IHO1: variants seen among roughly 807,000 people sequenced by gnomAD.
IHO1 encodes interactor of HORMAD1 1, also known as interactor of HORMAD1 protein 1.
In IHO1, 13 loss-of-function variants were observed where a neutral mutation model predicts 31.0. The observed-to-expected ratio is 0.42, with a 90% confidence interval of 0.27 to 0.67. The LOEUF (loss-of-function observed/expected upper bound fraction) is 0.67. IHO1 is among the 30% of genes least tolerant of loss of function. The probability of loss-of-function intolerance (pLI) is 0.24; values close to 1 mark genes in which losing one functional copy is unlikely to be tolerated. For synonymous variants in IHO1, 221 were observed against 248.4 expected, an observed-to-expected ratio of 0.89 and a Z score of 1.04; for missense variants, 599 against 687.5, an observed-to-expected ratio of 0.87 and a Z score of 1.44.
chr3:49,195,558 A>C (rs2107671552), upstream of IHO1, among the ~76,000 whole-genome samples: 1 of 151,346 alleles, frequency 6.6e-6, no homozygotes, highest in Admixed American at 6.6e-5. Context: ...TCTACTTGAC[A>C]AAAAAATTAG....
intron 1 of IHO1, chr3:49,200,671 A>C (rs1224325765): frequency 1.6e-6 from 1 of 637,510 alleles, no homozygotes; most frequent in Non-Finnish European, 1.9e-6. Context: ...CCTTGCATGC[A>C]CTCAACTTTT....
chr3:49,202,237 T>G (rs2046078577), intron 1 of IHO1, among the ~76,000 whole-genome samples: 3 of 151,956 alleles, frequency 2.0e-5, no homozygotes, highest in Admixed American at 2.0e-4. Context: ...ATTAGAATAG[T>G]GTAATAGTGT....
intron 4 of IHO1, among the ~76,000 whole-genome samples, chr3:49,243,586 G>A (rs573611521): frequency 2.0e-5 from 3 of 151,412 alleles, no homozygotes; most frequent in Admixed American, 6.6e-5. Flanking sequence ...ATGAAACCCC[G>A]TCTCTACTAA....
chr3:49,197,424 G>A (rs1375869869), upstream of IHO1, among the ~76,000 whole-genome samples: 2 of 152,098 alleles, frequency 1.3e-5, no homozygotes, highest in African/African-American at 4.8e-5. Flanking sequence ...GCCTCCCAAA[G>A]TTCTGGGATT....
intron 2 of IHO1, among the ~76,000 whole-genome samples, chr3:49,225,851 C>T (rs2046411143): frequency 6.6e-6 from 1 of 152,132 alleles, no homozygotes; most frequent in East Asian, 1.9e-4. Flanking sequence ...AAGTCAATTT[C>T]CTGGCCCTCG....
chr3:49,239,811 C>T (rs780752188), intron 3 of IHO1, among the ~76,000 whole-genome samples: 11 of 150,544 alleles, frequency 7.3e-5, no homozygotes, highest in Admixed American at 1.3e-4. Flanking sequence ...TACAGGCATG[C>T]GCACCACGCC....
At chr3:49,198,314 G>A (rs974035973), upstream of IHO1, 1 of 152,220 alleles carries the variant, frequency 6.6e-6, no homozygotes, top group African/African-American at 2.4e-5. Context: ...CGCAGCATTT[G>A]TCATAGCTGA....
chr3:49,244,135 A>G (rs566450082), intron 4 of IHO1, among the ~76,000 whole-genome samples: 47 of 151,968 alleles, frequency 3.1e-4, no homozygotes, highest in African/African-American at 1.1e-3. Flanking sequence ...TTGTATTTTT[A>G]GTAGAGACGG....
chr3:49,202,851 ATTTTTT>A (rs71077774), intron 1 of IHO1, among the ~76,000 whole-genome samples: 13 of 90,150 alleles, frequency 1.4e-4, no homozygotes, highest in African/African-American at 2.7e-4. Context: ...AATTTTTTGT[ATTTTTT>A]TTTTTTTTTT....
intron 6 of IHO1, among the ~76,000 whole-genome samples, chr3:49,246,179 CAAAAAAAAAAA>C (rs71278650): frequency 2.1e-5 from 1 of 47,776 alleles, no homozygotes; most frequent in African/African-American, 7.2e-5. Flanking sequence ...GAGACTCCGT[CAAAAAAAAAAA>C]AAAAAAAAAA....
At chr3:49,204,573 C>T (rs932840664) in intron 1 of IHO1, among the ~76,000 whole-genome samples, 3 of 152,034 alleles carry the variant, frequency 2.0e-5, no homozygotes, top group African/African-American at 7.2e-5. Flanking sequence ...TTTCTGAGAG[C>T]TTATGGAGGA....
intron 1 of IHO1, among the ~76,000 whole-genome samples, chr3:49,200,887 G>T (rs892831137): frequency 4.6e-5 from 7 of 152,148 alleles, no homozygotes; most frequent in Admixed American, 3.9e-4. Flanking sequence ...AGCCTATACA[G>T]GTAGCATGGA....
intron 3 of IHO1, among the ~76,000 whole-genome samples, chr3:49,239,003 T>C (rs973505637): frequency 2.6e-5 from 4 of 152,134 alleles, no homozygotes; most frequent in Non-Finnish European, 4.4e-5. Flanking sequence ...AGAGAAAACT[T>C]GTTTTTCTCT....
At chr3:49,206,549 A>G (rs2046140491) in intron 1 of IHO1, among the ~76,000 whole-genome samples, 1 of 152,166 alleles carries the variant, frequency 6.6e-6, no homozygotes, top group Non-Finnish European at 1.5e-5. Flanking sequence ...TTTAATTGCC[A>G]TCTTGGATTT....
intron 2 of IHO1, among the ~76,000 whole-genome samples, chr3:49,235,485 C>T (rs950316033): frequency 1.3e-5 from 2 of 151,478 alleles, no homozygotes; most frequent in South Asian, 2.1e-4. Context: ...TCCTCGGCCT[C>T]CCAAAGTGCT....
chr3:49,236,651 A>T lies in IHO1; in HGVS notation c.160A>T (p.Thr54Ser). ...GSQFCPENSE[T>S]LSAPLDFGAH... is the part of the protein sequence containing the mutation. ...TCAGTTCTGTCCAGAAAATTCAGAA[A>T]CCCTATCAGCACCCTTGGACTTTGG... Residue 54 changes from threonine to serine, a missense_variant, in exon 3 of 8, where the codon ACC (threonine) becomes TCC (serine). By Grantham distance (58) the Thr-to-Ser change is moderately conservative (BLOSUM62 1). Coordinates refer to ENST00000452691, the MANE Select transcript of IHO1 (RefSeq NM_001135197.2). 1 of 1,614,022 alleles carries T rather than the reference A, an allele frequency of 6.2e-7. No homozygotes were observed. The highest frequency in any genetic ancestry group is 8.5e-7 in the Non-Finnish European group (1 of 1,179,952).
At chr3:49,206,083 C>T (rs2046133091) in intron 1 of IHO1, among the ~76,000 whole-genome samples, 1 of 152,192 alleles carries the variant, frequency 6.6e-6, no homozygotes, top group Admixed American at 6.5e-5. Flanking sequence ...CCTGCCTCAG[C>T]CTCCCGAGTA....
At chr3:49,200,477 A>AGAAAGAAAGAAAGAAAGAC (rs1307326501) in intron 1 of IHO1, 1 of 376,210 alleles carries the variant, frequency 2.7e-6, no homozygotes, top group Admixed American at 7.7e-5. Flanking sequence ...AAAAAAAAAA[A>AGAAAGAAAGAAAGAAAGAC]AGAAAGAAAG....
upstream of IHO1, among the ~76,000 whole-genome samples, chr3:49,197,893 A>AG (rs974088459): frequency 1.3e-5 from 2 of 152,032 alleles, no homozygotes; most frequent in Non-Finnish European, 2.9e-5. Context: ...AAAAAAAAAA[A>AG]AAGAAGAAGA....
Sources: allele counts gnomAD v4.1 joint callset (sites outside exome capture counted in the v4.1 genomes callset), GRCh38; gene constraint gnomAD v4.1.1; transcripts MANE v1.5; gene names NCBI Gene and HGNC (gene_info 2026-07-23, HGNC 2026-07-21).